Variants in MPDZ observed in about 807,000 individuals in gnomAD.
The protein encoded by MPDZ is multiple PDZ domain crumbs cell polarity complex component, also known as multiple PDZ domain protein.
In MPDZ, 234 loss-of-function variants were observed where a neutral mutation model predicts 239.1. The ratio of observed to expected loss-of-function variants is 0.98; its 90% confidence interval spans 0.88 to 1.09. The LOEUF is 1.09. Ranked by LOEUF, MPDZ falls within the 50% of genes least tolerant of loss-of-function variation. MPDZ has a pLI of 0.00. For synonymous variants in MPDZ, 1,048 were observed against 881.3 expected, an observed-to-expected ratio of 1.19 and a Z score of -3.35; for missense variants, 3,175 against 2,510.0, an observed-to-expected ratio of 1.26 and a Z score of -5.66.
chr9:13,217,903 T>C (rs1958566267), intron 8 of MPDZ, among the ~76,000 whole-genome samples: 1 of 151,866 alleles, frequency 6.6e-6, no homozygotes, highest in Non-Finnish European at 1.5e-5. Context: ...CCACCTTCTC[T>C]AATGTGTAGA....
chr9:13,198,753 G>GTGTGTGTGTGTGTGTGTGTGTGTGTC (rs1956006613), intron 12 of MPDZ, among the ~76,000 whole-genome samples: 1 of 148,072 alleles, frequency 6.8e-6, no homozygotes, highest in Non-Finnish European at 1.5e-5. Context: ...GTGTGTGTGT[G>GTGTGTGTGTGTGTGTGTGTGTGTGTC]TGTGTGTGTG....
intron 17 of MPDZ, among the ~76,000 whole-genome samples, chr9:13,188,357 A>C: frequency 6.6e-6 from 1 of 152,078 alleles, no homozygotes; most frequent in East Asian, 1.9e-4. Flanking sequence ...GTCTCCACTA[A>C]AAATACAAAA....
chr9:13,122,282 C>T (rs1944464897), intron 36 of MPDZ, 112 bp from the exon 37 acceptor site: 3 of 945,568 alleles, frequency 3.2e-6, no homozygotes, highest in African/African-American at 1.6e-5. Flanking sequence ...GGGTTATAAA[C>T]TCTGGCTCTA....
Position 13,238,129 on chromosome 9 carries a change from T to A in MPDZ, c.183+9506A>T, listed in dbSNP as rs115130827. On this transcript the variant is annotated intron_variant, in intron 3 of 46. Coordinates refer to ENST00000319217, the MANE Select transcript of MPDZ (RefSeq NM_001378778.1). The stretch of plus-strand genomic sequence containing the variant: ...TTTTCTTCTCTAACAAAGAGCAGCC[T>A]GTGAAACTGAGCTGCAGACATAAAC... Among the ~76,000 whole-genome samples, 747 of 152,282 alleles carry A rather than the reference T, an allele frequency of 4.9e-3. 10 individuals carry two copies. The highest frequency in any genetic ancestry group is 0.017 in the African/African-American group (697 of 41,564).
chr9:13,268,955 G>C (rs962147217), intron 1 of MPDZ, among the ~76,000 whole-genome samples: 1 of 152,134 alleles, frequency 6.6e-6, no homozygotes, highest in Non-Finnish European at 1.5e-5. Flanking sequence ...TTGCAATAGT[G>C]TAAATATTCC....
intron 36 of MPDZ, among the ~76,000 whole-genome samples, 152 bp downstream of exon 36, chr9:13,123,001 T>A (rs748397172): frequency 6.6e-6 from 1 of 152,224 alleles, no homozygotes; most frequent in African/African-American, 2.4e-5. Flanking sequence ...CCGTATCCAA[T>A]TGAATATTTG....
At chr9:13,198,492 T>C (rs1044505575) in intron 12 of MPDZ, among the ~76,000 whole-genome samples, 12 of 152,214 alleles carry the variant, frequency 7.9e-5, no homozygotes, top group African/African-American at 1.7e-4. Flanking sequence ...ATTCTGGTTA[T>C]TAATCAGATG....
chr9:13,108,599 T>C (rs1280700199), intron 46 of MPDZ, among the ~76,000 whole-genome samples: 1 of 152,172 alleles, frequency 6.6e-6, no homozygotes, highest in Non-Finnish European at 1.5e-5. Context: ...CTCTACAGCA[T>C]ACTTATTTAA....
At chr9:13,142,205 AT>A (rs958204186) in intron 27 of MPDZ, among the ~76,000 whole-genome samples, 11 of 152,188 alleles carry the variant, frequency 7.2e-5, no homozygotes, top group Admixed American at 5.9e-4. Flanking sequence ...TTGCTGCATA[AT>A]TTTTCTGAGC....
At chr9:13,183,616 A>T in intron 18 of MPDZ, 31 bp from the exon 19 acceptor site, 1 of 1,601,972 alleles carries the variant, frequency 6.2e-7, no homozygotes, top group Non-Finnish European at 8.5e-7. Flanking sequence ...TCAGTTGGGA[A>T]TTCTGTTCTA....
At position 13,125,335 on chromosome 9, in the gene MPDZ, T is replaced by G; in HGVS notation, c.4688A>C (p.Glu1563Ala). The G allele has an allele frequency of 6.2e-7, 1 of 1,613,856 alleles. No individual in the cohort carries two copies. The highest frequency in any genetic ancestry group is 8.5e-7 in the Non-Finnish European group (1 of 1,179,734). The change falls in exon 35 of 47, where the codon GAG becomes GCG. Residue 1563 changes from glutamate (E) to alanine (A), a missense_variant. Coordinates refer to ENST00000319217, the MANE Select transcript of MPDZ (RefSeq NM_001378778.1). The part of the protein sequence containing the change: ...KMTVKLTIHA[E>A]NPDSQAVPSA... ...AGGAACAGCCTGGGAATCTGGATTC[T>G]CAGCATGGATGGTAAGTTTTACTGT...
At chr9:13,265,050 G>C (rs1406160166) in intron 1 of MPDZ, among the ~76,000 whole-genome samples, 1 of 152,188 alleles carries the variant, frequency 6.6e-6, no homozygotes, top group African/African-American at 2.4e-5. Flanking sequence ...ACAACAATGT[G>C]TCAATGCCAA....
intron 8 of MPDZ, among the ~76,000 whole-genome samples, chr9:13,217,626 A>G (rs1958518810): frequency 6.6e-6 from 1 of 151,920 alleles, no homozygotes; most frequent in Non-Finnish European, 1.5e-5. Flanking sequence ...TAATTTCTGG[A>G]GAAGTCAGGA....
At position 13,224,535 on chromosome 9, in the gene MPDZ, G is replaced by T; in HGVS notation, c.232C>A (p.Pro78Thr). The change falls in exon 4 of 47, where the codon CCT (proline) becomes ACT (threonine). Residue 78 changes from proline (P) to threonine (T), a missense_variant. Transcript: ENST00000319217. ...ATSNIEYAHV[P>T]HLSPAVIPTL... is the part of the protein sequence containing the mutation. ...GGAATCACAGCTGGGCTGAGATGAG[G>T]AACGTGGGCATATTCAATATTTGAA... 10 of 1,612,498 alleles carry T rather than the reference G, an allele frequency of 6.2e-6. No individual in the cohort carries two copies. Among genetic ancestry groups the T allele is most frequent in the Non-Finnish European group, 8.5e-6 (10 of 1,179,096 alleles).
intron 22 of MPDZ, among the ~76,000 whole-genome samples, chr9:13,167,822 T>C (rs1223916620): frequency 6.6e-6 from 1 of 152,146 alleles, no homozygotes; most frequent in Non-Finnish European, 1.5e-5. Flanking sequence ...AAGCACTTCC[T>C]GACAAAATAT....
chr9:13,135,910 A>G (rs532726212), intron 31 of MPDZ, 182 bp downstream of exon 31: 248 of 491,274 alleles, frequency 5.0e-4, no homozygotes, highest in Non-Finnish European at 7.1e-4. Flanking sequence ...TACTCTTCAC[A>G]TAAGTGGTAT....
chr9:13,113,896 T>G, intron 41 of MPDZ, 35 bp downstream of exon 41: 1 of 1,517,416 alleles, frequency 6.6e-7, no homozygotes, highest in Non-Finnish European at 9.0e-7. Flanking sequence ...GACAGCCAAA[T>G]TCAAACCATG....
chr9:13,128,821 G>C (rs1945494081), intron 32 of MPDZ, among the ~76,000 whole-genome samples: 1 of 152,094 alleles, frequency 6.6e-6, no homozygotes, highest in South Asian at 2.1e-4. Flanking sequence ...AGTAGCACAT[G>C]GCCAAACTAT....
chr9:13,215,833 T>C (rs1279145708), intron 10 of MPDZ, among the ~76,000 whole-genome samples: 4 of 130,272 alleles, frequency 3.1e-5, no homozygotes, highest in Admixed American at 2.8e-4. Flanking sequence ...AGTGGTGCAA[T>C]CATAGCTCAC....
Sources: gnomAD v4.1 joint callset for allele counts (sites outside exome capture counted in the v4.1 genomes callset) on GRCh38, gnomAD v4.1.1 for gene constraint, MANE v1.5 for transcripts, NCBI Gene and HGNC (gene_info 2026-07-23, HGNC 2026-07-21) for gene names.